The following PHC2 variants were observed in gnomAD, a reference collection of about 807,000 sequenced individuals.
The protein encoded by PHC2 is polyhomeotic homolog 2, also known as polyhomeotic-like protein 2.
Under a neutral mutation model 87.4 loss-of-function variants are expected in PHC2, and 29 were observed. The ratio of observed to expected loss-of-function variants is 0.33; its 90% CI spans 0.25 to 0.45. The LOEUF (loss-of-function observed/expected upper bound fraction) is 0.45. Among genes scored for constraint, PHC2 ranks in the 20% least tolerant of loss-of-function variants. The probability of loss-of-function intolerance (pLI) is 1.00; values close to 1 mark genes in which losing one functional copy is unlikely to be tolerated. For missense variants in PHC2, 857 were observed against 1,136.7 expected (o/e 0.75, Z 3.54); for synonymous variants, 438 against 461.7 (o/e 0.95, Z 0.66).
chr1:33,411,781 C>T (rs1649992701), intron 1 of PHC2, among the ~76,000 whole-genome samples: 1 of 152,038 alleles, frequency 6.6e-6, no homozygotes, highest in African/African-American at 2.4e-5. Context: ...GGATGGTCTC[C>T]ATCTCCTGTC....
At chr1:33,393,024 C>A (rs140040816) in intron 1 of PHC2, among the ~76,000 whole-genome samples, 1 of 152,268 alleles carries the variant, frequency 6.6e-6, no homozygotes, top group African/African-American at 2.4e-5. Context: ...GATAGCAGGC[C>A]ATCTGATCCC....
At chr1:33,330,916 GCA>G (rs1646479689) in intron 12 of PHC2, among the ~76,000 whole-genome samples, 1 of 152,220 alleles carries the variant, frequency 6.6e-6, no homozygotes, top group African/African-American at 2.4e-5. Context: ...CAATTGACTG[GCA>G]CAGTGACTAG....
chr1:33,346,526 G>C (rs1445711048), intron 9 of PHC2: 2 of 985,066 alleles, frequency 2.0e-6, no homozygotes, highest in Non-Finnish European at 2.4e-6. Context: ...ATTAAATATT[G>C]AACAGCTGGG....
At position 33,400,273 on chromosome 1, in the gene PHC2, T is replaced by C. The variant is rs146755556; in HGVS notation, c.-54-24680A>G. 9.9e-4 allele frequency among the ~76,000 whole-genome samples: 151 copies of C among 152,378 alleles called. No individual in the cohort carries two copies. In the East Asian group the frequency reaches 0.02, roughly 20 times the overall value. On this transcript the variant is annotated intron_variant, in intron 1 of 14. Transcript: ENST00000683057. The stretch of plus-strand genomic sequence containing the variant: ...CTCTTTGACCCAACAATTCTGTTTA[T>C]AGGAGTTTGCACTCAGGGATACACA...
intron 5 of PHC2, 137 bp downstream of exon 5, chr1:33,370,284 C>G: frequency 1.3e-6 from 1 of 785,174 alleles, no homozygotes; most frequent in Non-Finnish European, 2.0e-6. Flanking sequence ...TCCAGGCCCC[C>G]TTCTTTATCC....
intron 1 of PHC2, among the ~76,000 whole-genome samples, chr1:33,424,931 C>G (rs967693040): frequency 6.6e-6 from 1 of 152,080 alleles, no homozygotes; most frequent in Non-Finnish European, 1.5e-5. Context: ...AGGTCAGGAC[C>G]TGGATAACAG....
chr1:33,393,463 G>GTTTTTT (rs36030279), intron 1 of PHC2, among the ~76,000 whole-genome samples: 10 of 131,042 alleles, frequency 7.6e-5, no homozygotes, highest in Non-Finnish European at 1.1e-4. Context: ...TTTTCAAGAG[G>GTTTTTT]TTTTTTTTTT....
chr1:33,372,213 G>A (rs1647891145), intron 3 of PHC2, 76 bp downstream of exon 3: 1 of 1,414,222 alleles, frequency 7.1e-7, no homozygotes, highest in African/African-American at 1.4e-5. Flanking sequence ...CGCAGGTGCG[G>A]TGCCTGCTTC....
chr1:33,331,626 C>G lies in PHC2; in HGVS notation c.1892-164G>C. 1 of 557,724 alleles carries G rather than the reference C, an allele frequency of 1.8e-6. No individual in the cohort carries two copies. The highest frequency in any genetic ancestry group is 3.2e-6 in the Non-Finnish European group (1 of 311,982). 34.5% of individuals were successfully genotyped at this position (557,724 alleles called of 1,614,324 possible). On this transcript the variant is annotated intron_variant, in intron 11 of 14. Coordinates refer to ENST00000683057, the MANE Select transcript of PHC2 (RefSeq NM_001385109.1). The surrounding 1 kb of genome is among the most constrained non-coding windows in gnomAD (Gnocchi z 5.2). ...ATGGAAAATGCCAGTGGTTCTCACC[C>G]CTGGAATGCACTCAAGGGTGTCTGG...
rs1646906099 is a variant in PHC2, at chr1:33,349,191, C to T, written c.1558+5210G>A. On this transcript the variant is annotated intron_variant, in intron 9 of 14. Coordinates refer to ENST00000683057, the MANE Select transcript of PHC2 (RefSeq NM_001385109.1). This position sits in a 1 kb window ranked among gnomAD's most constrained non-coding sequence, Gnocchi z 4.2. Reference sequence around the variant, plus strand: ...AAAACAAAACTCTCCAGCGAAGCCGCAGGCGCCTCCAAGATAGGGAGTCCA... The same window carrying T: ...AAAACAAAACTCTCCAGCGAAGCCGTAGGCGCCTCCAAGATAGGGAGTCCA... 1 of 985,324 alleles carries T rather than the reference C, an allele frequency of 1.0e-6. No homozygotes were observed. The highest frequency in any genetic ancestry group is 1.7e-5 in the African/African-American group (1 of 57,248). 61.0% of individuals were successfully genotyped at this position (985,324 alleles called of 1,614,324 possible).
chr1:33,397,340 G>C (rs910534292), intron 1 of PHC2, among the ~76,000 whole-genome samples: 1 of 152,160 alleles, frequency 6.6e-6, no homozygotes, highest in South Asian at 2.1e-4. Flanking sequence ...AGTCTTTGGA[G>C]CATGTTGAAA....
At chr1:33,341,390 G>A (rs928836701) in intron 9 of PHC2, among the ~76,000 whole-genome samples, 1 of 152,212 alleles carries the variant, frequency 6.6e-6, no homozygotes, top group African/African-American at 2.4e-5. Context: ...ACTGTATTCT[G>A]GGACCTTCTG....
chr1:33,365,012 C>T lies in PHC2; in HGVS notation c.976+2104G>A, dbSNP rs1647365971. 2.0e-5 allele frequency among the ~76,000 whole-genome samples: 3 copies of T among 152,190 alleles called. 1 individual carries two copies. The highest frequency in any genetic ancestry group is 4.4e-5 in the Non-Finnish European group (3 of 68,020). Reference sequence around the variant, plus strand: ...TCAGAAACAGGAAAGGCTGAGGAGGCCCCAGATTACTGTAAGAACTGAGAG... The same window carrying T: ...TCAGAAACAGGAAAGGCTGAGGAGGTCCCAGATTACTGTAAGAACTGAGAG... On this transcript the variant is annotated intron_variant, in intron 7 of 14. Transcript: ENST00000683057.
At chr1:33,404,622 C>A (rs1369591145) in intron 1 of PHC2, among the ~76,000 whole-genome samples, 3 of 152,056 alleles carry the variant, frequency 2.0e-5, no homozygotes, top group Non-Finnish European at 4.4e-5. Context: ...TCATGGCCTA[C>A]CTCTCTGTGA....
intron 1 of PHC2, among the ~76,000 whole-genome samples, chr1:33,404,021 C>T (rs1292630892): frequency 6.6e-6 from 1 of 152,188 alleles, no homozygotes; most frequent in Non-Finnish European, 1.5e-5. Context: ...CTTCAATTAC[C>T]ATCCATACAT....
At chr1:33,380,100 C>CT (rs1648421406) in intron 1 of PHC2, among the ~76,000 whole-genome samples, 1 of 152,256 alleles carries the variant, frequency 6.6e-6, no homozygotes, top group Non-Finnish European at 1.5e-5. Context: ...CTTTTGATAG[C>CT]TGTGGCTGTC....
rs1170441317 is a variant in PHC2 at position 33,333,916 on chromosome 1, A to G, written c.1761+174T>C. 6.3e-6 allele frequency: 4 copies of G among 630,722 alleles called. No homozygotes were observed. The East Asian group carries it at 1.1e-4, about 18-fold the overall frequency. 39.1% of individuals were successfully genotyped at this position (630,722 alleles called of 1,614,324 possible). A position where few individuals can be genotyped will look rare whatever the true frequency, so the allele number is the denominator to read the frequency against. The stretch of plus-strand genomic sequence containing the variant: ...CTGATCACTGACCCCCCTCTTCTGG[A>G]CCTTGGAAAGATAATCCTAGAAAGA... On this transcript the variant is annotated intron_variant, in intron 10 of 14. Coordinates refer to ENST00000683057, the MANE Select transcript of PHC2 (RefSeq NM_001385109.1).
intron 9 of PHC2, chr1:33,335,222 CA>C: frequency 1.0e-6 from 1 of 985,444 alleles, no homozygotes; most frequent in Non-Finnish European, 1.2e-6. Flanking sequence ...CAGCATCTCT[CA>C]TGAGCTGTCT....
intron 1 of PHC2, among the ~76,000 whole-genome samples, chr1:33,399,068 C>A (rs938963863): frequency 2.6e-5 from 4 of 152,114 alleles, no homozygotes; most frequent in African/African-American, 9.7e-5. Flanking sequence ...TACAGATGTA[C>A]AAAGTGAACA....
Sources: gnomAD v4.1 joint callset for allele counts (sites outside exome capture counted in the v4.1 genomes callset) on GRCh38, gnomAD v4.1.1 for gene constraint, Gnocchi (gnomAD v3.1) non-coding constraint, MANE v1.5 for transcripts, NCBI Gene and HGNC (gene_info 2026-07-23, HGNC 2026-07-21) for gene names.